The following CNTN5 variants were observed in gnomAD, a reference collection of about 807,000 sequenced individuals.
CNTN5 encodes the protein contactin 5, also known as contactin-5.
CNTN5 carries 77 observed loss-of-function variants against 129.1 expected under a neutral mutation model. The observed-to-expected ratio is 0.60, with a 90% CI of 0.50 to 0.72. The LOEUF (loss-of-function observed/expected upper bound fraction) is 0.72, where lower values mean the gene tolerates loss of function less well. Among genes scored for constraint, CNTN5 ranks in the 30% least tolerant of loss-of-function variants. The pLI is 0.00. For synonymous variants in CNTN5, 509 were observed against 465.6 expected, an observed-to-expected ratio of 1.09 and a Z score of -1.20; for missense variants, 1,478 against 1,328.8, an observed-to-expected ratio of 1.11 and a Z score of -1.75.
intron 2 of CNTN5, among the ~76,000 whole-genome samples, chr11:99,373,018 G>A (rs377281183): frequency 2.0e-5 from 3 of 152,052 alleles, no homozygotes; most frequent in African/African-American, 7.2e-5. Context: ...AGCCCAGACT[G>A]GCCAACTTGG....
At chr11:99,841,671 AAGG>A (rs1262038444) in intron 4 of CNTN5, among the ~76,000 whole-genome samples, 69 of 151,440 alleles carry the variant, frequency 4.6e-4, no homozygotes, top group Admixed American at 4.5e-3. Flanking sequence ...GAGAATGAAG[AAGG>A]AGGAAGAGAA....
At chr11:99,771,749 G>A (rs897020328) in intron 3 of CNTN5, among the ~76,000 whole-genome samples, 2 of 151,912 alleles carry the variant, frequency 1.3e-5, no homozygotes, top group African/African-American at 4.8e-5. Context: ...GGTTAATAAT[G>A]CCGTATTGTA....
At chr11:99,886,084 CTT>C (rs1446361646) in intron 6 of CNTN5, among the ~76,000 whole-genome samples, 3 of 151,898 alleles carry the variant, frequency 2.0e-5, no homozygotes, top group Non-Finnish European at 2.9e-5. Flanking sequence ...TCTCTGATAA[CTT>C]TGAGAATTAA....
intron 7 of CNTN5, among the ~76,000 whole-genome samples, chr11:99,932,411 T>C (rs1412693521): frequency 6.6e-6 from 1 of 152,142 alleles, no homozygotes. Flanking sequence ...CAGGGTGGTC[T>C]TGAACTCCTG....
At chr11:99,305,566 T>A (rs908927284) in intron 1 of CNTN5, among the ~76,000 whole-genome samples, 2 of 152,128 alleles carry the variant, frequency 1.3e-5, no homozygotes, top group Non-Finnish European at 2.9e-5. Context: ...AAAAAAACAA[T>A]TTTTCTCTGT....
At chr11:99,639,249 T>A (rs589612) in intron 3 of CNTN5, among the ~76,000 whole-genome samples, 91,350 of 151,914 alleles carry the variant, frequency 0.6, 28,300 homozygotes, top group Admixed American at 0.69. Context: ...CCAAGTCCCT[T>A]GGCTGCACAC....
intron 2 of CNTN5, among the ~76,000 whole-genome samples, chr11:99,551,746 G>A (rs1003400074): frequency 1.3e-5 from 2 of 151,934 alleles, no homozygotes; most frequent in African/African-American, 4.8e-5. Context: ...AATAATGTAG[G>A]CAATTATAAC....
At chr11:99,150,575 T>C (rs1860006165) in intron 1 of CNTN5, among the ~76,000 whole-genome samples, 1 of 152,022 alleles carries the variant, frequency 6.6e-6, no homozygotes, top group African/African-American at 2.4e-5. Context: ...TATTCAAGAA[T>C]TTGTATCACA....
intron 2 of CNTN5, among the ~76,000 whole-genome samples, chr11:99,503,933 A>G (rs1403853519): frequency 6.6e-6 from 1 of 152,166 alleles, no homozygotes; most frequent in Non-Finnish European, 1.5e-5. Flanking sequence ...ATTACAATGT[A>G]TTTGTAACAA....
intron 13 of CNTN5, among the ~76,000 whole-genome samples, chr11:100,169,336 T>C (rs557561831): frequency 4.8e-4 from 73 of 152,046 alleles, no homozygotes; most frequent in African/African-American, 1.7e-3. Flanking sequence ...GCAAACTGTA[T>C]CGTTGTCTTA....
intron 13 of CNTN5, among the ~76,000 whole-genome samples, chr11:100,131,096 G>GA (rs1946362995): frequency 2.6e-5 from 4 of 152,072 alleles, no homozygotes; most frequent in African/African-American, 9.7e-5. Context: ...GCAATGGTAA[G>GA]AAAATTAAGC....
chr11:99,510,137 T>C (rs937355630), intron 2 of CNTN5, among the ~76,000 whole-genome samples: 5 of 152,066 alleles, frequency 3.3e-5, no homozygotes, highest in Non-Finnish European at 7.4e-5. Flanking sequence ...TTATAATTAT[T>C]GTATAATAAT....
intron 7 of CNTN5, among the ~76,000 whole-genome samples, chr11:99,917,455 C>T (rs780478008): frequency 1.4e-4 from 22 of 151,884 alleles, no homozygotes; most frequent in Admixed American, 2.6e-4. Flanking sequence ...AGTCATGTCT[C>T]ATATTGGTTA....
At position 99,580,205 on chromosome 11, in the gene CNTN5, T is replaced by G. The variant is rs185422771; in HGVS notation, c.55+23936T>G. On this transcript the variant is annotated intron_variant, in intron 3 of 24. Coordinates refer to ENST00000524871, the MANE Select transcript of CNTN5 (RefSeq NM_014361.4). ...CCACTTGATCATGGTGGATAAGCTT[T>G]TTGATGTGTTGCTGGATTCAGTTTG... Among the ~76,000 whole-genome samples the G allele has an allele frequency of 1.0e-3, 157 of 152,304 alleles. 1 individual carries two copies. The highest frequency in any genetic ancestry group is 3.6e-3 in the African/African-American group (148 of 41,556).
intron 3 of CNTN5, among the ~76,000 whole-genome samples, chr11:99,802,879 A>G (rs988858266): frequency 7.9e-5 from 12 of 152,134 alleles, no homozygotes; most frequent in African/African-American, 2.9e-4. Flanking sequence ...GCTCTAATGC[A>G]ACACCATCTA....
At chr11:100,251,728 T>C (rs1949966719) in intron 16 of CNTN5, among the ~76,000 whole-genome samples, 2 of 152,146 alleles carry the variant, frequency 1.3e-5, no homozygotes, top group African/African-American at 4.8e-5. Flanking sequence ...TTTCCATCCA[T>C]GTTGCCACAA....
chr11:99,260,215 A>G (rs955160992), intron 1 of CNTN5, among the ~76,000 whole-genome samples: 1 of 151,762 alleles, frequency 6.6e-6, no homozygotes, highest in African/African-American at 2.4e-5. Context: ...GTTTACATGT[A>G]AGCATTTCAT....
chr11:99,454,142 CATA>C (rs1482925370), intron 2 of CNTN5, among the ~76,000 whole-genome samples: 5 of 151,796 alleles, frequency 3.3e-5, no homozygotes, highest in Admixed American at 1.3e-4. Context: ...CTGAAGACAG[CATA>C]ATGAACAGAA....
At chr11:100,161,290 A>G (rs1470333604) in intron 13 of CNTN5, among the ~76,000 whole-genome samples, 2 of 151,876 alleles carry the variant, frequency 1.3e-5, no homozygotes, top group East Asian at 3.9e-4. Flanking sequence ...CCCAAGCCCC[A>G]ATAGAGATGA....
Sources: gnomAD v4.1 joint callset for allele counts (sites outside exome capture counted in the v4.1 genomes callset) on GRCh38, gnomAD v4.1.1 for gene constraint, MANE v1.5 for transcripts, NCBI Gene and HGNC (gene_info 2026-07-23, HGNC 2026-07-21) for gene names.